Variants in USP12 observed in about 807,000 individuals in gnomAD.
USP12 encodes the protein ubiquitin specific peptidase 12.
USP12 carries 19 observed loss-of-function variants against 45.5 expected under a neutral mutation model. The observed-to-expected ratio is 0.42, with a 90% CI of 0.29 to 0.61. The LOEUF (loss-of-function observed/expected upper bound fraction) is 0.61, where lower values mean the gene tolerates loss of function less well. Ranked by LOEUF, USP12 falls within the 20% of genes least tolerant of loss-of-function variation. USP12 has a pLI of 0.22. For synonymous variants in USP12, 149 were observed against 148.8 expected, an observed-to-expected ratio of 1.00 and a Z score of -0.01; for missense variants, 242 against 447.7, an observed-to-expected ratio of 0.54 and a Z score of 4.15.
intron 1 of USP12, among the ~76,000 whole-genome samples, chr13:27,167,716 C>T (rs898630654): frequency 6.6e-6 from 1 of 151,670 alleles, no homozygotes; most frequent in Non-Finnish European, 1.5e-5. Context: ...AGAACTACAT[C>T]CACCCTATTT....
chr13:27,109,906 T>G (rs1875341558), intron 2 of USP12, among the ~76,000 whole-genome samples: 1 of 59,644 alleles, frequency 1.7e-5, no homozygotes, highest in Admixed American at 2.1e-4. Flanking sequence ...AGTGAGACTC[T>G]GTCTCCAAAA....
intron 6 of USP12, among the ~76,000 whole-genome samples, chr13:27,082,857 CAG>C (rs1873827441): frequency 1.3e-5 from 2 of 152,200 alleles, no homozygotes; most frequent in Non-Finnish European, 2.9e-5. Context: ...CTTTTTGAGA[CAG>C]AGTTTCACTC....
chr13:27,140,507 T>C (rs536007896), intron 1 of USP12, among the ~76,000 whole-genome samples: 58 of 152,296 alleles, frequency 3.8e-4, no homozygotes, highest in Non-Finnish European at 7.5e-4. Flanking sequence ...ATAACAATAG[T>C]GTAATAGTCT....
intron 1 of USP12, among the ~76,000 whole-genome samples, chr13:27,166,370 A>G (rs1005491667): frequency 2.0e-5 from 3 of 152,224 alleles, no homozygotes; most frequent in Non-Finnish European, 4.4e-5. Context: ...GTTTCAGAAG[A>G]GCTAGAATAA....
Position 27,068,471 on chromosome 13 carries a change from T to C in USP12, c.*812A>G, listed in dbSNP as rs1201014926. ...TATCTTAACTGATTTCAGATAGAAATTAAAATTCACCTTAAAAATAGAAAC... is the reference window on the plus strand; with the variant it reads ...TATCTTAACTGATTTCAGATAGAAACTAAAATTCACCTTAAAAATAGAAAC... On this transcript the variant is annotated 3_prime_UTR_variant, in exon 9 of 9. Coordinates refer to ENST00000282344, the MANE Select transcript of USP12 (RefSeq NM_182488.4). 6.6e-6 allele frequency: 1 copy of C among 152,416 alleles called. No homozygotes were observed. The highest frequency in any genetic ancestry group is 1.5e-5 in the Non-Finnish European group (1 of 68,012). The allele number at this position is 152,416 out of a possible 1,614,324, so 9.4% of individuals were successfully genotyped here.
At chr13:27,131,778 C>T (rs1413455722) in intron 1 of USP12, among the ~76,000 whole-genome samples, 2 of 152,192 alleles carry the variant, frequency 1.3e-5, no homozygotes, top group African/African-American at 2.4e-5. Flanking sequence ...GTATTATTCA[C>T]CACTCCCTCT....
chr13:27,118,674 C>T (rs1024701773), intron 1 of USP12, among the ~76,000 whole-genome samples: 4 of 152,080 alleles, frequency 2.6e-5, no homozygotes, highest in Admixed American at 6.5e-5. Context: ...TCCTTTCCCC[C>T]GACCAAAACA....
chr13:27,075,609 A>C (rs1175233445), intron 6 of USP12, among the ~76,000 whole-genome samples: 3 of 152,074 alleles, frequency 2.0e-5, no homozygotes, highest in Non-Finnish European at 4.4e-5. Context: ...GTCACACCAC[A>C]TAATTTGACA....
intron 1 of USP12, among the ~76,000 whole-genome samples, chr13:27,131,506 A>T (rs1876499526): frequency 6.6e-6 from 1 of 152,236 alleles, no homozygotes; most frequent in Admixed American, 6.5e-5. Context: ...TACCAAAGTG[A>T]GCAACGTGAT....
intron 2 of USP12, among the ~76,000 whole-genome samples, chr13:27,113,184 G>A (rs563400214): frequency 1.3e-5 from 2 of 151,020 alleles, no homozygotes; most frequent in Non-Finnish European, 2.9e-5. Flanking sequence ...CAGTGAGCCA[G>A]GGAGGCGAAA....
intron 1 of USP12, among the ~76,000 whole-genome samples, chr13:27,125,224 T>G (rs1041272950): frequency 6.6e-6 from 1 of 152,248 alleles, no homozygotes; most frequent in Non-Finnish European, 1.5e-5. Flanking sequence ...AGTTGAAATT[T>G]TTTAAATTTT....
At chr13:27,170,499 G>A (rs1878541103) in intron 1 of USP12, among the ~76,000 whole-genome samples, 2 of 152,166 alleles carry the variant, frequency 1.3e-5, no homozygotes, top group Non-Finnish European at 2.9e-5. Context: ...TTTTTTCGGT[G>A]ATGACTCATA....
intron 1 of USP12, among the ~76,000 whole-genome samples, chr13:27,118,600 A>G (rs2137799277): frequency 6.6e-6 from 1 of 152,244 alleles, no homozygotes; most frequent in African/African-American, 2.4e-5. Context: ...TAACCAACAA[A>G]CCCAGGTTTT....
At chr13:27,094,723 A>C (rs1874485877) in intron 4 of USP12, among the ~76,000 whole-genome samples, 1 of 151,686 alleles carries the variant, frequency 6.6e-6, no homozygotes, top group Admixed American at 6.5e-5. Context: ...GATTTTAAAA[A>C]GGTGAGGGAG....
rs550834116 is a variant in USP12, at chr13:27,171,703, G to A, written c.-64C>T. 7.7e-3 allele frequency: 8,370 copies of A among 1,084,652 alleles called. 47 individuals carry two copies. Among genetic ancestry groups the A allele is most frequent in the Non-Finnish European group, 8.9e-3 (7,620 of 856,644 alleles). The allele number at this position is 1,084,652 out of a possible 1,614,324, so 67.2% of individuals were successfully genotyped here. ...GGCGGGCGGGGGAGGAGGGGAGCCGGGCCGCCCGCTCGCACCGCAGCCCGC... is the reference window on the plus strand; with the variant it reads ...GGCGGGCGGGGGAGGAGGGGAGCCGAGCCGCCCGCTCGCACCGCAGCCCGC... On this transcript the variant is annotated 5_prime_UTR_variant, in exon 1 of 9. Coordinates refer to ENST00000282344, the MANE Select transcript of USP12 (RefSeq NM_182488.4).
rs1178706937 is a variant in USP12 at position 27,116,607 on chromosome 13, A to T, written c.49-11T>A. 1 of 1,609,194 alleles carries T rather than the reference A, an allele frequency of 6.2e-7. No homozygotes were observed. Among genetic ancestry groups the T allele is most frequent in the South Asian group, 1.1e-5 (1 of 90,290 alleles). On this transcript the variant is annotated splice_polypyrimidine_tract_variant and intron_variant, in intron 1 of 8. Coordinates refer to ENST00000282344, the MANE Select transcript of USP12 (RefSeq NM_182488.4). ...CGAAGCATTGGCGCCCTATAAAATG[A>T]AAAACAAAAATCTTAGTATTTATAG...
Position 27,171,544 on chromosome 13 carries a change from C to A in USP12, c.48+48G>T, listed in dbSNP as rs369808252. The stretch of plus-strand genomic sequence containing the variant: ...AGAGGCGGGTCCAGCGCCGCCCGCC[C>A]GCCCGAGAGGTCCCGGCAGCCCCGG... On this transcript the variant is annotated intron_variant, in intron 1 of 8. Transcript: ENST00000282344. 362 of 1,161,916 alleles carry A rather than the reference C, an allele frequency of 3.1e-4. 2 individuals carry two copies. In the African/African-American group the frequency reaches 5.1e-3, roughly 16 times the overall value. The allele number at this position is 1,161,916 out of a possible 1,614,324, so 72.0% of individuals were successfully genotyped here. A position where few individuals can be genotyped will look rare whatever the true frequency, so the allele number is the denominator to read the frequency against.
intron 1 of USP12, among the ~76,000 whole-genome samples, chr13:27,166,869 C>G (rs1324768688): frequency 6.6e-6 from 1 of 152,090 alleles, no homozygotes; most frequent in Non-Finnish European, 1.5e-5. Flanking sequence ...TACCACTATG[C>G]TTTATTGGGC....
At chr13:27,077,021 T>C (rs1873519900) in intron 6 of USP12, among the ~76,000 whole-genome samples, 2 of 152,274 alleles carry the variant, frequency 1.3e-5, no homozygotes, top group South Asian at 2.1e-4. Context: ...TAATCTCCTA[T>C]TAGAGTTCTT....
Sources: gnomAD v4.1 joint callset for allele counts (sites outside exome capture counted in the v4.1 genomes callset) on GRCh38, gnomAD v4.1.1 for gene constraint, MANE v1.5 for transcripts, NCBI Gene and HGNC (gene_info 2026-07-23, HGNC 2026-07-21) for gene names.